RHPN2: variants seen among roughly 807,000 people sequenced by gnomAD.
RHPN2 encodes the protein rhophilin Rho GTPase binding protein 2, also known as rhophilin-2.
A neutral mutation model predicts 79.0 loss-of-function variants in RHPN2; 40 were observed. The observed-to-expected ratio is 0.51, with a 90% confidence interval of 0.39 to 0.66. The LOEUF (loss-of-function observed/expected upper bound fraction) is 0.66, where lower values mean the gene tolerates loss of function less well. RHPN2 is among the 30% of genes least tolerant of loss of function. The pLI is 0.00. For missense variants in RHPN2, 686 were observed against 883.5 expected, an observed-to-expected ratio of 0.78 and a Z score of 2.83; for synonymous variants, 285 against 363.5, an observed-to-expected ratio of 0.78 and a Z score of 2.46.
intron 2 of RHPN2, among the ~76,000 whole-genome samples, chr19:33,037,420 G>C (rs892909148): frequency 6.6e-6 from 1 of 152,202 alleles, no homozygotes; most frequent in Non-Finnish European, 1.5e-5. Context: ...CAGGCTGCCT[G>C]AGCCAGCAGT....
chr19:33,049,103 C>G (rs1972167370), intron 1 of RHPN2, among the ~76,000 whole-genome samples: 1 of 152,116 alleles, frequency 6.6e-6, no homozygotes, highest in African/African-American at 2.4e-5. Context: ...AGTAATTGGG[C>G]CCGAAACCAC....
chr19:32,992,777 C>T (rs912509830), intron 12 of RHPN2, among the ~76,000 whole-genome samples: 18 of 148,866 alleles, frequency 1.2e-4, no homozygotes, highest in African/African-American at 4.0e-4. Flanking sequence ...TGCCACTGCA[C>T]TCCAGCCTGG....
At chr19:32,997,372 G>A (rs1434744159) in intron 10 of RHPN2, among the ~76,000 whole-genome samples, 7 of 152,164 alleles carry the variant, frequency 4.6e-5, no homozygotes, top group Non-Finnish European at 1.0e-4. Context: ...AACAAGACAA[G>A]AAATATGTAA....
intron 4 of RHPN2, among the ~76,000 whole-genome samples, chr19:33,019,959 G>A (rs1258280218): frequency 6.6e-6 from 1 of 152,132 alleles, no homozygotes; most frequent in Non-Finnish European, 1.5e-5. Flanking sequence ...TGATGGAGTT[G>A]AAGAGGGAAG....
intron 1 of RHPN2, 29 bp downstream of exon 1, chr19:33,064,755 T>TGGGGGCCCCC: frequency 4.9e-6 from 7 of 1,427,942 alleles, no homozygotes; most frequent in South Asian, 1.2e-5. Flanking sequence ...AGCCCGCAGG[T>TGGGGGCCCCC]CCCCGCCCGC....
intron 11 of RHPN2, among the ~76,000 whole-genome samples, chr19:32,994,956 A>AAAAC (rs1022127373): frequency 1.3e-5 from 2 of 152,166 alleles, no homozygotes; most frequent in Non-Finnish European, 2.9e-5. Context: ...TGACCTCTCA[A>AAAAC]AAACAAACAA....
chr19:33,021,695 T>C (rs755173749), intron 3 of RHPN2, 49 bp from the exon 4 acceptor site: 4 of 1,460,020 alleles, frequency 2.7e-6, no homozygotes, highest in Non-Finnish European at 3.8e-6. Flanking sequence ...ACCGGACCCC[T>C]GTGCACCCCA....
rs761978934 is a variant in RHPN2, at chr19:32,996,033, A to G, written c.1413T>C (p.Ser471=). 2.5e-6 allele frequency: 4 copies of G among 1,613,778 alleles called. No homozygotes were observed. Among genetic ancestry groups the G allele is most frequent in the East Asian group, 4.5e-5 (2 of 44,870 alleles). Residue 471 remains serine (S), a synonymous_variant, in exon 11 of 15, where the codon AGT becomes AGC. Coordinates refer to ENST00000254260, the MANE Select transcript of RHPN2 (RefSeq NM_033103.5). ...DDLLNLIDAP[S]VVAKTEQEVD... is the part of the protein sequence containing the mutation. ...ACAGTCTAGGCTACTCACCAACAAC[A>G]CTGGGGGCGTCGATCAGGTTCAGCA...
rs181609151 is a variant in RHPN2, at chr19:32,999,777, C to G, written c.1106-72G>C. On this transcript the variant is annotated intron_variant, in intron 9 of 14. Coordinates refer to ENST00000254260, the MANE Select transcript of RHPN2 (RefSeq NM_033103.5). ...CAGACCCACGTAGAGATTTCTCTACCATGTCTCCAGCTTCCTTTTTTCTGC... is the reference window on the plus strand; with the variant it reads ...CAGACCCACGTAGAGATTTCTCTACGATGTCTCCAGCTTCCTTTTTTCTGC... 1.0e-4 allele frequency: 162 copies of G among 1,584,948 alleles called. No homozygotes were observed. In the East Asian group the frequency reaches 2.9e-3, roughly 29 times the overall value.
At chr19:33,009,817 C>T (rs1330089906) in intron 6 of RHPN2, among the ~76,000 whole-genome samples, 4 of 151,586 alleles carry the variant, frequency 2.6e-5, no homozygotes, top group East Asian at 1.9e-4. Context: ...TTTGCTCTTT[C>T]GCCCAGGCTA....
At chr19:32,980,286 T>G in intron 14 of RHPN2, 30 bp from the exon 15 acceptor site, 1 of 1,613,764 alleles carries the variant, frequency 6.2e-7, no homozygotes, top group Non-Finnish European at 8.5e-7. Flanking sequence ...AAAAAGGGCG[T>G]CAGGCATCAT....
intron 4 of RHPN2, among the ~76,000 whole-genome samples, chr19:33,013,156 G>A (rs1013453935): frequency 6.7e-6 from 1 of 149,234 alleles, no homozygotes; most frequent in African/African-American, 2.5e-5. Context: ...GATTACAGAT[G>A]TCAGCCACCG....
chr19:33,023,148 G>T (rs953106116), intron 3 of RHPN2, among the ~76,000 whole-genome samples: 15 of 152,026 alleles, frequency 9.9e-5, no homozygotes, highest in Non-Finnish European at 1.8e-4. Flanking sequence ...AAACACAGTA[G>T]TGCAGGCCAG....
chr19:32,992,125 G>A (rs1452027763), intron 12 of RHPN2, 156 bp from the exon 13 acceptor site: 14 of 730,126 alleles, frequency 1.9e-5, no homozygotes, highest in African/African-American at 5.3e-5. Flanking sequence ...GCAGTCATGC[G>A]AGAACCTGGA....
intron 6 of RHPN2, 72 bp from the exon 7 acceptor site, chr19:33,008,252 T>TC: frequency 3.0e-6 from 3 of 997,450 alleles, no homozygotes; most frequent in East Asian, 3.8e-5. Context: ...AAAAAATTCT[T>TC]TTTTTTTTTT....
chr19:32,987,439 T>C (rs529586810), intron 14 of RHPN2, among the ~76,000 whole-genome samples: 12 of 152,290 alleles, frequency 7.9e-5, no homozygotes, highest in African/African-American at 2.6e-4. Context: ...TCCACCAAAG[T>C]GTCTTTTCAT....
chr19:33,028,194 T>C (rs1431825734), intron 2 of RHPN2, among the ~76,000 whole-genome samples: 1 of 151,470 alleles, frequency 6.6e-6, no homozygotes, highest in Non-Finnish European at 1.5e-5. Context: ...TATCAGTCTG[T>C]CACCTAGGCT....
At chr19:33,003,165 G>T (rs1416982437) in intron 7 of RHPN2, among the ~76,000 whole-genome samples, 165 bp from the exon 8 acceptor site, 1 of 151,754 alleles carries the variant, frequency 6.6e-6, no homozygotes, top group Non-Finnish European at 1.5e-5. Context: ...CAAGACCAGC[G>T]TGGGCAACGT....
chr19:33,011,531 T>A (rs1309187222), intron 6 of RHPN2, 148 bp downstream of exon 6: 64 of 941,038 alleles, frequency 6.8e-5, no homozygotes, highest in Non-Finnish European at 9.6e-5. Flanking sequence ...TGTATTGACA[T>A]CTTTTGAGAC....
Sources: allele counts gnomAD v4.1 joint callset (sites outside exome capture counted in the v4.1 genomes callset), GRCh38; gene constraint gnomAD v4.1.1; transcripts MANE v1.5; gene names NCBI Gene and HGNC (gene_info 2026-07-23, HGNC 2026-07-21).